ICA1: variants seen among roughly 807,000 people sequenced by gnomAD.
ICA1 encodes 69 kDa islet cell autoantigen.
Under a neutral mutation model 71.0 loss-of-function variants are expected in ICA1, and 40 were observed. The ratio of observed to expected loss-of-function variants is 0.56; its 90% CI spans 0.44 to 0.73. The LOEUF (loss-of-function observed/expected upper bound fraction) is 0.73, where lower values mean the gene tolerates loss of function less well. Ranked by LOEUF, ICA1 falls within the 30% of genes least tolerant of loss-of-function variation. The probability of loss-of-function intolerance (pLI) is 0.00; values close to 1 mark genes in which losing one functional copy is unlikely to be tolerated. For missense variants in ICA1, 578 were observed against 576.5 expected, an observed-to-expected ratio of 1.00 and a Z score of -0.03; for synonymous variants, 207 against 209.5, an observed-to-expected ratio of 0.99 and a Z score of 0.10.
At chr7:8,164,372 T>C (rs1385734985) in intron 6 of ICA1, among the ~76,000 whole-genome samples, 1 of 151,416 alleles carries the variant, frequency 6.6e-6, no homozygotes, top group Non-Finnish European at 1.5e-5. Context: ...GTAGTTTAGA[T>C]TTGGATAGTG....
chr7:8,242,521 C>T (rs1414853869), intron 1 of ICA1, among the ~76,000 whole-genome samples: 2 of 152,050 alleles, frequency 1.3e-5, no homozygotes, highest in Admixed American at 6.6e-5. Flanking sequence ...GAAGCAAGAG[C>T]AAACAAATTC....
chr7:8,152,790 A>T (rs1288461899), intron 8 of ICA1, among the ~76,000 whole-genome samples: 20 of 95,634 alleles, frequency 2.1e-4, no homozygotes, highest in South Asian at 3.5e-4. Context: ...CACCATCACC[A>T]TCACCTCCAC....
chr7:8,146,657 C>A (rs1797001565), intron 8 of ICA1, among the ~76,000 whole-genome samples: 1 of 151,702 alleles, frequency 6.6e-6, no homozygotes, highest in Non-Finnish European at 1.5e-5. Context: ...GGAATATGGA[C>A]TGCAGCCTGG....
intron 6 of ICA1, among the ~76,000 whole-genome samples, chr7:8,170,144 GC>G (rs1279920328): frequency 6.6e-6 from 1 of 151,808 alleles, no homozygotes; most frequent in African/African-American, 2.4e-5. Flanking sequence ...TTGAAAAACC[GC>G]CTTAACTTGG....
intron 6 of ICA1, among the ~76,000 whole-genome samples, chr7:8,161,187 G>C (rs1188707480): frequency 6.6e-6 from 1 of 152,216 alleles, no homozygotes; most frequent in Non-Finnish European, 1.5e-5. Context: ...GTAAAGGAAT[G>C]AGGTACATAA....
At chr7:8,152,813 C>CTT (rs1562704125) in intron 8 of ICA1, among the ~76,000 whole-genome samples, 1 of 127,254 alleles carries the variant, frequency 7.9e-6, no homozygotes, top group African/African-American at 3.1e-5. Context: ...CCACCACCAC[C>CTT]ATCTCCTTCA....
chr7:8,225,535 T>C (rs1798351394), intron 4 of ICA1, among the ~76,000 whole-genome samples: 2 of 152,184 alleles, frequency 1.3e-5, no homozygotes, highest in Admixed American at 6.5e-5. Context: ...TTTCTTTTAC[T>C]GGGAAAAGGT....
In ICA1 at chr7:8,144,003, GAAAA is replaced by G; in HGVS notation, c.805-35_805-32del. 1 of 1,083,596 alleles carries G rather than the reference GAAAA, an allele frequency of 9.2e-7. No homozygotes were observed. Among genetic ancestry groups the G allele is most frequent in the Non-Finnish European group, 1.3e-6 (1 of 753,442 alleles). The allele number at this position is 1,083,596 out of a possible 1,614,324, so 67.1% of individuals were successfully genotyped here. Reference sequence around the variant, plus strand: ...TCACGAGCCATAGAAAAATGAAAAAGAAAAAAAAAGAAGAAGAAATAGAGACAAA... The same window carrying G: ...TCACGAGCCATAGAAAAATGAAAAAGAAAAAGAAGAAGAAATAGAGACAAA... On this transcript the variant is annotated intron_variant, in intron 8 of 13. Coordinates refer to ENST00000402384, the MANE Select transcript of ICA1 (RefSeq NM_001136020.3). This position sits in a 1 kb window ranked among gnomAD's most constrained non-coding sequence, Gnocchi z 4.5.
At chr7:8,176,366 CTGAG>C (rs761584442) in intron 6 of ICA1, among the ~76,000 whole-genome samples, 4 of 152,244 alleles carry the variant, frequency 2.6e-5, no homozygotes, top group Non-Finnish European at 5.9e-5. Flanking sequence ...GTTTGCTCCT[CTGAG>C]AACCTTTTCC....
Position 8,113,868 on chromosome 7 carries a change from C to G in ICA1, c.*55G>C. ...ACTGATCACTTTATACTTCTGCTAG[C>G]CCCCAGGGGAGCTGCTGGGGGCGGC... On this transcript the variant is annotated 3_prime_UTR_variant, in exon 14 of 14. Transcript: ENST00000402384. This position sits in a 1 kb window ranked among gnomAD's most constrained non-coding sequence, Gnocchi z 4.2. The G allele has an allele frequency of 6.3e-7, 1 of 1,598,746 alleles. No individual in the cohort carries two copies. The highest frequency in any genetic ancestry group is 8.6e-7 in the Non-Finnish European group (1 of 1,166,518).
At chr7:8,155,240 C>A (rs528387265) in intron 8 of ICA1, among the ~76,000 whole-genome samples, 1 of 152,228 alleles carries the variant, frequency 6.6e-6, no homozygotes, top group South Asian at 2.1e-4. Flanking sequence ...ATTACTTAAA[C>A]CATAATTTAA....
chr7:8,207,882 T>C (rs1002743135), intron 6 of ICA1, among the ~76,000 whole-genome samples: 33 of 152,312 alleles, frequency 2.2e-4, no homozygotes, highest in Admixed American at 1.9e-3. Flanking sequence ...CACTAAAATA[T>C]AGATAGACTT....
intron 6 of ICA1, among the ~76,000 whole-genome samples, chr7:8,167,100 T>C (rs1050208871): frequency 6.6e-6 from 1 of 152,208 alleles, no homozygotes; most frequent in Non-Finnish European, 1.5e-5. Flanking sequence ...AATTACCATT[T>C]GACCCAACAA....
In ICA1 at chr7:8,113,883, C is replaced by T; in HGVS notation, c.*40G>A. On this transcript the variant is annotated 3_prime_UTR_variant, in exon 14 of 14. Transcript: ENST00000402384. This position sits in a 1 kb window ranked among gnomAD's most constrained non-coding sequence, Gnocchi z 4.2. ...CTTCTGCTAGCCCCCAGGGGAGCTGCTGGGGGCGGCATGTGAGTGCCCTCC... is the reference window on the plus strand; with the variant it reads ...CTTCTGCTAGCCCCCAGGGGAGCTGTTGGGGGCGGCATGTGAGTGCCCTCC... 1 of 1,612,250 alleles carries T rather than the reference C, an allele frequency of 6.2e-7. No homozygotes were observed. The highest frequency in any genetic ancestry group is 8.5e-7 in the Non-Finnish European group (1 of 1,178,386).
In ICA1 at chr7:8,132,656, C is replaced by T. The variant is rs1791908859; in HGVS notation, c.1061-4514G>A. Among the ~76,000 whole-genome samples, 2 of 152,202 alleles carry T rather than the reference C, an allele frequency of 1.3e-5. No individual in the cohort carries two copies. The highest frequency in any genetic ancestry group is 1.3e-4 in the Admixed American group (2 of 15,284). ...ATGAGGCGGCTCTCTCGGATGACCT[C>T]CCATCTCCCTGACAGTACCTTCTCC... On this transcript the variant is annotated intron_variant, in intron 12 of 13. Transcript: ENST00000402384. This position sits in a 1 kb window ranked among gnomAD's most constrained non-coding sequence, Gnocchi z 4.5.
intron 6 of ICA1, among the ~76,000 whole-genome samples, chr7:8,171,611 A>G (rs1465873699): frequency 6.6e-6 from 1 of 151,710 alleles, no homozygotes; most frequent in Non-Finnish European, 1.5e-5. Flanking sequence ...TTTTCTGTTT[A>G]TGGTTTCATT....
intron 13 of ICA1, among the ~76,000 whole-genome samples, chr7:8,120,224 C>T (rs1584164413): frequency 1.3e-5 from 2 of 152,228 alleles, no homozygotes; most frequent in East Asian, 3.8e-4. Flanking sequence ...AAGTCACATT[C>T]TTTTCTCCGA....
At chr7:8,160,088 G>A (rs779629813) in intron 6 of ICA1, among the ~76,000 whole-genome samples, 5 of 152,126 alleles carry the variant, frequency 3.3e-5, no homozygotes, top group Non-Finnish European at 5.9e-5. Context: ...TACTGAATAC[G>A]TATTTGTTGG....
At position 8,173,350 on chromosome 7, in the gene ICA1, A is replaced by G. The variant is rs560828568; in HGVS notation, c.580-14698T>C. 2.0e-4 allele frequency among the ~76,000 whole-genome samples: 30 copies of G among 152,244 alleles called. No individual in the cohort carries two copies. The highest frequency in any genetic ancestry group is 4.0e-4 in the Non-Finnish European group (27 of 68,040). On this transcript the variant is annotated intron_variant, in intron 6 of 13. Transcript: ENST00000402384. The surrounding 1 kb of genome is among the most constrained non-coding windows in gnomAD (Gnocchi z 4.0). ...CAAAAATGAGACATTGTGAGCATCA[A>G]TGAAGTTAATATTGGCAACGATTAA...
Sources: gnomAD v4.1 joint callset for allele counts (sites outside exome capture counted in the v4.1 genomes callset) on GRCh38, gnomAD v4.1.1 for gene constraint, Gnocchi (gnomAD v3.1) non-coding constraint, MANE v1.5 for transcripts, NCBI Gene and HGNC (gene_info 2026-07-23, HGNC 2026-07-21) for gene names.